The following LRRC55 variants were observed in gnomAD, a reference collection of about 807,000 sequenced individuals.
LRRC55 encodes the protein leucine-rich repeat-containing protein 55.
In LRRC55, 11 loss-of-function variants were observed where a neutral mutation model predicts 20.5. That is an observed-to-expected ratio of 0.54 (90% confidence interval 0.34 to 0.89). The LOEUF is 0.89. Among genes scored for constraint, LRRC55 ranks in the 40% least tolerant of loss-of-function variants. The pLI, the probability that LRRC55 is intolerant of heterozygous loss-of-function variation, is 0.02. For missense variants in LRRC55, 358 were observed against 390.9 expected (o/e 0.92, Z 0.71); for synonymous variants, 188 against 166.6 (o/e 1.13, Z -0.99).
rs1854473971 is a variant in LRRC55, at chr11:57,189,090, T to C, written c.*1610T>C. The stretch of plus-strand genomic sequence containing the variant: ...CAGCAGCATCATTATCTTCCCTCTA[T>C]TTGTTCAGCACCGGATAGTTCATGA... On this transcript the variant is annotated 3_prime_UTR_variant, in exon 2 of 2. Coordinates refer to ENST00000497933, the MANE Select transcript of LRRC55 (RefSeq NM_001005210.4). 1.3e-5 allele frequency: 2 copies of C among 152,048 alleles called. No homozygotes were observed. Among genetic ancestry groups the C allele is most frequent in the African/African-American group, 2.4e-5 (1 of 41,416 alleles). 9.4% of individuals were successfully genotyped at this position (152,048 alleles called of 1,614,324 possible). A position where few individuals can be genotyped will look rare whatever the true frequency, so the allele number is the denominator to read the frequency against.
At chr11:57,184,973 A>G (rs1295471338) in intron 1 of LRRC55, among the ~76,000 whole-genome samples, 1 of 152,126 alleles carries the variant, frequency 6.6e-6, no homozygotes, top group East Asian at 1.9e-4. Flanking sequence ...CCCAGAGAGG[A>G]TCCTGGCCTG....
chr11:57,185,050 G>T (rs3017576), intron 1 of LRRC55, among the ~76,000 whole-genome samples: 17,734 of 152,028 alleles, frequency 0.12, 1,640 homozygotes, highest in African/African-American at 0.26. Context: ...GGGAAGGTTG[G>T]GTTCTCCTTC....
chr11:57,186,518 A>G (rs140469582), intron 1 of LRRC55, among the ~76,000 whole-genome samples: 3 of 152,288 alleles, frequency 2.0e-5, no homozygotes, highest in African/African-American at 4.8e-5. Flanking sequence ...TCAGAGTCTT[A>G]AGGAAAGGCC....
rs1300372504 is a variant in LRRC55 at position 57,190,561 on chromosome 11, T to C, written c.*3081T>C. On this transcript the variant is annotated 3_prime_UTR_variant, in exon 2 of 2. Coordinates refer to ENST00000497933, the MANE Select transcript of LRRC55 (RefSeq NM_001005210.4). ...TTCAAATTGTCCAAACTGGTTAACA[T>C]GTATGTGATGGGGTATCTCTGCATC... is the stretch of plus-strand genomic sequence containing the variant. 1.3e-5 allele frequency: 2 copies of C among 152,178 alleles called. No homozygotes were observed. Among genetic ancestry groups the C allele is most frequent in the Non-Finnish European group, 2.9e-5 (2 of 68,028 alleles). The allele number at this position is 152,178 out of a possible 1,614,324, so 9.4% of individuals were successfully genotyped here.
At chr11:57,183,391 C>A (rs11228939) in intron 1 of LRRC55, among the ~76,000 whole-genome samples, 2 of 152,136 alleles carry the variant, frequency 1.3e-5, no homozygotes, top group Non-Finnish European at 2.9e-5. Context: ...TCTTAAGCAG[C>A]TTTACCTATC....
chr11:57,191,205 A>G lies in LRRC55; in HGVS notation c.*3725A>G, dbSNP rs1172449025. 6.6e-6 allele frequency: 1 copy of G among 152,194 alleles called. No individual in the cohort carries two copies. The allele number at this position is 152,194 out of a possible 1,614,324, so 9.4% of individuals were successfully genotyped here. A position where few individuals can be genotyped will look rare whatever the true frequency, so the allele number is the denominator to read the frequency against. ...GCAGAAATAGGTCTCCAGAGTTGCT[A>G]CAGAGGTTCATGGCTCCTTTCGAGG... On this transcript the variant is annotated 3_prime_UTR_variant, in exon 2 of 2. Transcript: ENST00000497933.
Position 57,187,583 on chromosome 11 carries a change from T to G in LRRC55, c.*103T>G, listed in dbSNP as rs1007923884. On this transcript the variant is annotated 3_prime_UTR_variant, in exon 2 of 2. Coordinates refer to ENST00000497933, the MANE Select transcript of LRRC55 (RefSeq NM_001005210.4). ...CTGGTTCCATGGTGACCTGGCTGCC[T>G]CAGTCATGGTTCAAGCAAGGTGGGG... The G allele has an allele frequency of 4.4e-6, 5 of 1,129,754 alleles. No individual in the cohort carries two copies. Among genetic ancestry groups the G allele is most frequent in the Non-Finnish European group, 6.4e-6 (5 of 777,218 alleles). The allele number at this position is 1,129,754 out of a possible 1,614,324, so 70.0% of individuals were successfully genotyped here.
chr11:57,187,458 C>T lies in LRRC55; in HGVS notation c.875C>T (p.Ala292Val). The T allele has an allele frequency of 2.5e-6, 4 of 1,614,066 alleles. No individual in the cohort carries two copies. The highest frequency in any genetic ancestry group is 3.4e-6 in the Non-Finnish European group (4 of 1,180,020). ...AACTGCTGCCACCGCTGGAGCAAGG[C>T]CAGTGAAGAGGAAGAGATCTGACAT... ...TANCCHRWSK[A>V]SEEEEI The change falls in exon 2 of 2, where the codon GCC becomes GTC. Residue 292 changes from alanine to valine, a missense_variant. Physicochemically the swap from Ala to Val is moderately conservative, Grantham distance 64 (BLOSUM62 0). This residue lies in a region of LRRC55 where 178 missense variants were observed against 207.9 expected (regional missense o/e 0.86). Transcript: ENST00000497933.
At chr11:57,187,129 A>G (rs765007112) in intron 1 of LRRC55, 116 bp from the exon 2 acceptor site, 70 of 913,462 alleles carry the variant, frequency 7.7e-5, no homozygotes, top group Non-Finnish European at 1.2e-4. Context: ...TTCTTGGCAC[A>G]TGGAAGAACT....
chr11:57,183,153 A>G (rs1284675122), intron 1 of LRRC55, among the ~76,000 whole-genome samples: 1 of 152,216 alleles, frequency 6.6e-6, no homozygotes, highest in Non-Finnish European at 1.5e-5. Context: ...TACAAATTAA[A>G]AAATTAAAAA....
rs1854475755 is a variant in LRRC55, at chr11:57,189,194, G to A, written c.*1714G>A. 6.6e-6 allele frequency: 1 copy of A among 152,226 alleles called. No homozygotes were observed. Among genetic ancestry groups the A allele is most frequent in the South Asian group, 2.1e-4 (1 of 4,836 alleles). The allele number at this position is 152,226 out of a possible 1,614,324, so 9.4% of individuals were successfully genotyped here. A position where few individuals can be genotyped will look rare whatever the true frequency, so the allele number is the denominator to read the frequency against. On this transcript the variant is annotated 3_prime_UTR_variant, in exon 2 of 2. Coordinates refer to ENST00000497933, the MANE Select transcript of LRRC55 (RefSeq NM_001005210.4). ...CAAACATCAGTAATCCTGTTTTACAGATGGGGAAAAAAGTCTCAAGGTTGG... is the reference window on the plus strand; with the variant it reads ...CAAACATCAGTAATCCTGTTTTACAAATGGGGAAAAAAGTCTCAAGGTTGG...
At chr11:57,185,119 A>G (rs1449564877) in intron 1 of LRRC55, among the ~76,000 whole-genome samples, 4 of 152,234 alleles carry the variant, frequency 2.6e-5, no homozygotes, top group East Asian at 3.9e-4. Context: ...GAAAGGTTCA[A>G]TCCAAATCCA....
chr11:57,182,521 C>A lies in LRRC55; in HGVS notation c.499C>A (p.Leu167Met). ...AFQGLMQLRDLDLSYGGLAFL... is the reference protein window; with the variant it reads ...AFQGLMQLRDMDLSYGGLAFL... ...TCAGGGCCTCATGCAGCTCCGAGAC[C>A]TGGACCTCAGTTATGGGGGCCTGGC... The change falls in exon 1 of 2, where the codon CTG becomes ATG. Residue 167 changes from leucine to methionine, a missense_variant. Leu to Met is a conservative substitution (Grantham distance 15, BLOSUM62 2). Around this residue, in one of 3 missense-constraint regions of LRRC55, gnomAD observed 178 missense variants for 207.9 expected, o/e 0.86. Coordinates refer to ENST00000497933, the MANE Select transcript of LRRC55 (RefSeq NM_001005210.4). The A allele has an allele frequency of 1.3e-6, 2 of 1,593,224 alleles. No homozygotes were observed. Among genetic ancestry groups the A allele is most frequent in the South Asian group, 1.1e-5 (1 of 89,150 alleles).
chr11:57,185,209 T>C (rs911824609), intron 1 of LRRC55, among the ~76,000 whole-genome samples: 2 of 151,750 alleles, frequency 1.3e-5, no homozygotes, highest in Non-Finnish European at 2.9e-5. Context: ...ATTTAGAAAA[T>C]GTCTTCATAC....
intron 1 of LRRC55, 38 bp from the exon 2 acceptor site, chr11:57,187,207 C>T (rs910024091): frequency 6.3e-6 from 10 of 1,583,366 alleles, no homozygotes; most frequent in Non-Finnish European, 8.6e-6. Flanking sequence ...CCCTCTCCTT[C>T]CCTGGGTACC....
chr11:57,189,732 G>A lies in LRRC55; in HGVS notation c.*2252G>A, dbSNP rs990401815. ...CTGGCCAGGAGGAGAATTAAAACAG[G>A]GGCTTTCCACACCTCCCTTGCCCCA... On this transcript the variant is annotated 3_prime_UTR_variant, in exon 2 of 2. Transcript: ENST00000497933. 2 of 152,132 alleles carry A rather than the reference G, an allele frequency of 1.3e-5. No homozygotes were observed. Among genetic ancestry groups the A allele is most frequent in the Admixed American group, 6.5e-5 (1 of 15,268 alleles). The allele number at this position is 152,132 out of a possible 1,614,324, so 9.4% of individuals were successfully genotyped here. A position where few individuals can be genotyped will look rare whatever the true frequency, so the allele number is the denominator to read the frequency against.
Position 57,183,774 on chromosome 11 carries a change from C to G in LRRC55, c.661+1091C>G, listed in dbSNP as rs145538049. Among the ~76,000 whole-genome samples, 49 of 152,300 alleles carry G rather than the reference C, an allele frequency of 3.2e-4. No homozygotes were observed. The East Asian group carries it at 6.6e-3, about 20-fold the overall frequency. On this transcript the variant is annotated intron_variant, in intron 1 of 1. Transcript: ENST00000497933. The stretch of plus-strand genomic sequence containing the variant: ...GATGCGGCAACTCAACCAGCCAATC[C>G]CAACTGGAGGGTGGACTGGGGCCTG...
rs1590514494 is a variant in LRRC55, at chr11:57,189,832, C to T, written c.*2352C>T. ...ATGAAGGAGGCTAATAAGTCATCTT[C>T]CAGGAAGGCATCCCTCACTCGTGCT... On this transcript the variant is annotated 3_prime_UTR_variant, in exon 2 of 2. Transcript: ENST00000497933. The T allele has an allele frequency of 6.6e-6, 1 of 152,222 alleles. No individual in the cohort carries two copies. Among genetic ancestry groups the T allele is most frequent in the Non-Finnish European group, 1.5e-5 (1 of 68,062 alleles). 9.4% of individuals were successfully genotyped at this position (152,222 alleles called of 1,614,324 possible).
rs748771513 is a variant in LRRC55, at chr11:57,188,042, G to C, written c.*562G>C. On this transcript the variant is annotated 3_prime_UTR_variant, in exon 2 of 2. Coordinates refer to ENST00000497933, the MANE Select transcript of LRRC55 (RefSeq NM_001005210.4). ...TCACCTCCTGACACCAAAACTGTCA[G>C]CTCTCAGCAATGCCAGCCACTGCCT... 1 of 158,818 alleles carries C rather than the reference G, an allele frequency of 6.3e-6. No homozygotes were observed. The highest frequency in any genetic ancestry group is 6.5e-5 in the Admixed American group (1 of 15,374). The allele number at this position is 158,818 out of a possible 1,614,324, so 9.8% of individuals were successfully genotyped here.
Sources: gnomAD v4.1 joint callset for allele counts (sites outside exome capture counted in the v4.1 genomes callset) on GRCh38, gnomAD v4.1.1 for gene constraint, gnomAD v4.1.1 regional missense constraint, MANE v1.5 for transcripts, NCBI Gene and HGNC (gene_info 2026-07-23, HGNC 2026-07-21) for gene names.